The following KCNH1 variants were observed in gnomAD, a reference collection of about 807,000 sequenced individuals.
KCNH1 encodes the protein voltage-gated delayed rectifier potassium channel KCNH1.
In KCNH1, 27 loss-of-function variants were observed where a neutral mutation model predicts 69.2. That is an observed-to-expected ratio of 0.39 (90% CI 0.29 to 0.54). The LOEUF (loss-of-function observed/expected upper bound fraction) is 0.54, where lower values mean the gene tolerates loss of function less well. Ranked by LOEUF, KCNH1 falls within the 20% of genes least tolerant of loss-of-function variation. KCNH1 has a pLI of 0.68. For synonymous variants in KCNH1, 456 were observed against 487.7 expected, an observed-to-expected ratio of 0.93 and a Z score of 0.86; for missense variants, 798 against 1,261.6, an observed-to-expected ratio of 0.63 and a Z score of 5.57.
At chr1:211,107,929 G>A (rs1255427153) in intron 1 of KCNH1, among the ~76,000 whole-genome samples, 1 of 152,196 alleles carries the variant, frequency 6.6e-6, no homozygotes, top group African/African-American at 2.4e-5. Flanking sequence ...TCCCCTTGGT[G>A]AGGAATAGTA....
chr1:210,931,589 T>A (rs1466506373), intron 6 of KCNH1, among the ~76,000 whole-genome samples: 3 of 151,926 alleles, frequency 2.0e-5, no homozygotes, highest in Non-Finnish European at 4.4e-5. Context: ...GATGGGTGCA[T>A]CAAAATCTCA....
At chr1:210,959,539 G>A (rs1688254094) in intron 6 of KCNH1, among the ~76,000 whole-genome samples, 1 of 152,364 alleles carries the variant, frequency 6.6e-6, no homozygotes, top group African/African-American at 2.4e-5. Flanking sequence ...GAGTCTAGAG[G>A]CAGTAGGCCT....
intron 6 of KCNH1, among the ~76,000 whole-genome samples, chr1:210,935,699 C>T (rs1211587242): frequency 6.6e-6 from 1 of 152,148 alleles, no homozygotes; most frequent in Non-Finnish European, 1.5e-5. Context: ...AGTTCTTTAA[C>T]ACAAACTTGC....
chr1:210,718,820 A>G lies in KCNH1; in HGVS notation c.2113-34682T>C, dbSNP rs528536924. 4.6e-5 allele frequency among the ~76,000 whole-genome samples: 7 copies of G among 151,896 alleles called. No individual in the cohort carries two copies. In the East Asian group the frequency reaches 1.4e-3, roughly 29 times the overall value. On this transcript the variant is annotated intron_variant, in intron 10 of 10. Coordinates refer to ENST00000271751, the MANE Select transcript of KCNH1 (RefSeq NM_172362.3). ...TGGCCAGTGGCTACCACATTAGACA[A>G]TGTAGCCCCAGAGCCAATGAAGTGT...
At chr1:210,771,173 T>C (rs1574246226) in intron 10 of KCNH1, among the ~76,000 whole-genome samples, 2 of 152,182 alleles carry the variant, frequency 1.3e-5, no homozygotes, top group Non-Finnish European at 2.9e-5. Context: ...GCATAGACCT[T>C]GCACCCTAGA....
At chr1:210,864,055 A>G (rs1205535892) in intron 7 of KCNH1, among the ~76,000 whole-genome samples, 1 of 152,222 alleles carries the variant, frequency 6.6e-6, no homozygotes, top group Non-Finnish European at 1.5e-5. Flanking sequence ...CAGCCTCATG[A>G]GTTCATTGCT....
At chr1:210,776,566 CTCTT>C (rs781665195) in intron 9 of KCNH1, among the ~76,000 whole-genome samples, 6 of 152,124 alleles carry the variant, frequency 3.9e-5, no homozygotes, top group Non-Finnish European at 8.8e-5. Context: ...CTCTCCTGTG[CTCTT>C]TCTATCACGT....
intron 10 of KCNH1, among the ~76,000 whole-genome samples, chr1:210,763,768 C>T (rs2102354661): frequency 6.6e-6 from 1 of 152,156 alleles, no homozygotes; most frequent in East Asian, 1.9e-4. Context: ...GAAGAATCAG[C>T]ATCATTAAAA....
At chr1:210,718,386 T>G (rs9429843) in intron 10 of KCNH1, among the ~76,000 whole-genome samples, 1 of 78,830 alleles carries the variant, frequency 1.3e-5, no homozygotes, top group Non-Finnish European at 2.1e-5. Context: ...ATGCATATAT[T>G]TATATATAAA....
chr1:210,945,868 G>C (rs575926325), intron 6 of KCNH1, among the ~76,000 whole-genome samples: 3 of 152,070 alleles, frequency 2.0e-5, no homozygotes, highest in African/African-American at 7.2e-5. Context: ...GCTTAAAATC[G>C]CAACTCCCAG....
intron 6 of KCNH1, among the ~76,000 whole-genome samples, chr1:210,928,856 C>T (rs1220065986): frequency 6.6e-6 from 1 of 152,038 alleles, no homozygotes; most frequent in Admixed American, 6.6e-5. Context: ...GATACTACAA[C>T]TAATGCCACA....
chr1:211,121,917 C>T (rs1207241078), intron 1 of KCNH1, among the ~76,000 whole-genome samples: 7 of 152,114 alleles, frequency 4.6e-5, no homozygotes, highest in South Asian at 2.1e-4. Flanking sequence ...GGGCGGATCA[C>T]GAGGTCAGGA....
chr1:210,769,440 A>G (rs1301962699), intron 10 of KCNH1, among the ~76,000 whole-genome samples: 1 of 152,200 alleles, frequency 6.6e-6, no homozygotes, highest in Non-Finnish European at 1.5e-5. Flanking sequence ...CTCAGCTTTG[A>G]GAACATCAGT....
At chr1:210,719,832 T>C (rs1319155120) in intron 10 of KCNH1, among the ~76,000 whole-genome samples, 3 of 152,194 alleles carry the variant, frequency 2.0e-5, no homozygotes, top group East Asian at 1.9e-4. Context: ...ATTTGTAAAT[T>C]TGGAAAACAA....
At chr1:211,045,141 T>C (rs1690074514) in intron 5 of KCNH1, among the ~76,000 whole-genome samples, 1 of 146,476 alleles carries the variant, frequency 6.8e-6, no homozygotes, top group Non-Finnish European at 1.5e-5. Context: ...TCGGAGACTA[T>C]TATTCTAAGT....
At chr1:210,706,829 A>G (rs943743461) in intron 10 of KCNH1, among the ~76,000 whole-genome samples, 4 of 152,256 alleles carry the variant, frequency 2.6e-5, no homozygotes, top group Non-Finnish European at 5.9e-5. Flanking sequence ...CTAAGGCTCA[A>G]GGATATATCA....
At chr1:210,781,497 C>T (rs1271266832) in intron 9 of KCNH1, among the ~76,000 whole-genome samples, 1 of 152,140 alleles carries the variant, frequency 6.6e-6, no homozygotes, top group Non-Finnish European at 1.5e-5. Flanking sequence ...CCTGCCATAG[C>T]TGAGGGAGGC....
intron 6 of KCNH1, among the ~76,000 whole-genome samples, chr1:210,956,711 A>G (rs1688184207): frequency 6.6e-6 from 1 of 152,000 alleles, no homozygotes; most frequent in Admixed American, 6.6e-5. Context: ...AGAGGTGTTT[A>G]TAGTATTCTC....
intron 7 of KCNH1, among the ~76,000 whole-genome samples, chr1:210,824,909 T>C (rs80275023): frequency 0.19 from 28,241 of 152,178 alleles, 3,025 homozygotes; most frequent in Non-Finnish European, 0.25. Flanking sequence ...CTTTTACAGA[T>C]CTTTTGAAGA....
Sources: gnomAD v4.1 joint callset for allele counts (sites outside exome capture counted in the v4.1 genomes callset) on GRCh38, gnomAD v4.1.1 for gene constraint, MANE v1.5 for transcripts, NCBI Gene and HGNC (gene_info 2026-07-23, HGNC 2026-07-21) for gene names.